MAP3K6: variants seen among roughly 807,000 people sequenced by gnomAD.
MAP3K6 encodes apoptosis signal-regulating kinase 2.
A neutral mutation model predicts 147.1 loss-of-function variants in MAP3K6; 105 were observed. The ratio of observed to expected loss-of-function variants is 0.71; its 90% CI spans 0.61 to 0.84. The LOEUF (loss-of-function observed/expected upper bound fraction) is 0.84. Among genes scored for constraint, MAP3K6 ranks in the 40% least tolerant of loss-of-function variants. MAP3K6 has a pLI of 0.00. For missense variants in MAP3K6, 1,569 were observed against 1,715.0 expected (o/e 0.91, Z 1.50); for synonymous variants, 695 against 732.4 (o/e 0.95, Z 0.82).
rs373396127 is a variant in MAP3K6 at position 27,358,207 on chromosome 1, G to A, written c.2889C>T (p.Leu963=). 2.5e-6 allele frequency: 4 copies of A among 1,594,194 alleles called. No individual in the cohort carries two copies. Among genetic ancestry groups the A allele is most frequent in the South Asian group, 1.1e-5 (1 of 88,248 alleles). Reference sequence around the variant, plus strand: ...GGAGCTGGCTGGTGCCCCCATAACTGAGGCAGCGCTTCGGGGGGCTGGGTG... The same window carrying A: ...GGAGCTGGCTGGTGCCCCCATAACTAAGGCAGCGCTTCGGGGGGCTGGGTG... ...QHPPSPPKRC[L]SYGGTSQLRV... Residue 963 remains leucine (L), a synonymous_variant, in exon 21 of 29, where the codon CTC becomes CTT. Coordinates refer to ENST00000357582, the MANE Select transcript of MAP3K6 (RefSeq NM_004672.5). This position sits in a 1 kb window ranked among gnomAD's most constrained non-coding sequence, Gnocchi z 6.2.
In MAP3K6 at chr1:27,359,792, G is replaced by C; in HGVS notation, c.2319+66C>G. The C allele has an allele frequency of 1.9e-6, 3 of 1,603,890 alleles. No homozygotes were observed. Among genetic ancestry groups the C allele is most frequent in the Non-Finnish European group, 2.6e-6 (3 of 1,172,484 alleles). On this transcript the variant is annotated intron_variant, in intron 17 of 28. Coordinates refer to ENST00000357582, the MANE Select transcript of MAP3K6 (RefSeq NM_004672.5). The surrounding 1 kb of genome is among the most constrained non-coding windows in gnomAD (Gnocchi z 4.4). The stretch of plus-strand genomic sequence containing the variant: ...CACTTAATCTAAACTGCCAGCCTGC[G>C]TCTGGGACCATGTTTCCTTCCCCGC...
Position 27,360,463 on chromosome 1 carries a change from C to A in MAP3K6, c.2055-95G>T. On this transcript the variant is annotated intron_variant, in intron 15 of 28. Coordinates refer to ENST00000357582, the MANE Select transcript of MAP3K6 (RefSeq NM_004672.5). This position sits in a 1 kb window ranked among gnomAD's most constrained non-coding sequence, Gnocchi z 4.5. ...CCTGGCCCCGCCCCAAGGACCCGCC[C>A]CGCCCACAAGCCCTCTCCGACCTTC... The A allele has an allele frequency of 6.8e-7, 1 of 1,467,918 alleles. No individual in the cohort carries two copies. The highest frequency in any genetic ancestry group is 9.1e-7 in the Non-Finnish European group (1 of 1,096,836). 90.9% of individuals were successfully genotyped at this position (1,467,918 alleles called of 1,614,324 possible). A position where few individuals can be genotyped will look rare whatever the true frequency, so the allele number is the denominator to read the frequency against.
At position 27,359,684 on chromosome 1, in the gene MAP3K6, G is replaced by C. The variant is rs2015670598; in HGVS notation, c.2320-162C>G. 2 of 870,778 alleles carry C rather than the reference G, an allele frequency of 2.3e-6. No individual in the cohort carries two copies. The highest frequency in any genetic ancestry group is 1.0e-4 in the South Asian group (2 of 19,094). The allele number at this position is 870,778 out of a possible 1,614,324, so 53.9% of individuals were successfully genotyped here. ...ATGCCCCTCTGGGAGCTGACAATTG[G>C]TTTGGCTTCAGAGCTGAACCTTTCC... On this transcript the variant is annotated intron_variant, in intron 17 of 28. Coordinates refer to ENST00000357582, the MANE Select transcript of MAP3K6 (RefSeq NM_004672.5). The surrounding 1 kb of genome is among the most constrained non-coding windows in gnomAD (Gnocchi z 4.4).
At position 27,361,254 on chromosome 1, in the gene MAP3K6, T is replaced by C; in HGVS notation, c.1737-2A>G. The C allele has an allele frequency of 6.2e-7, 1 of 1,613,444 alleles. No individual in the cohort carries two copies. The highest frequency in any genetic ancestry group is 8.5e-7 in the Non-Finnish European group (1 of 1,179,856). The stretch of plus-strand genomic sequence containing the variant: ...CAGCGCTCGTCGCGCTTTGAGGCGC[T>C]GGGAAGGGATGAAGAACCCAGTAAG... On this transcript the variant is annotated splice_acceptor_variant, in intron 12 of 28. Coordinates refer to ENST00000357582, the MANE Select transcript of MAP3K6 (RefSeq NM_004672.5). LOFTEE classifies it high-confidence loss of function.
chr1:27,357,740 T>C lies in MAP3K6; in HGVS notation c.3052A>G (p.Asn1018Asp). The C allele has an allele frequency of 4.3e-6, 7 of 1,611,896 alleles. No individual in the cohort carries two copies. Among genetic ancestry groups the C allele is most frequent in the Non-Finnish European group, 5.9e-6 (7 of 1,179,870 alleles). Residue 1018 changes from asparagine to aspartate, a missense_variant, in exon 22 of 29, where the codon AAT becomes GAT. Transcript: ENST00000357582. ...TCTTGCTTCTGCTCCTGGTGCAGAT[T>C]CTCCGCCAGCGCTGGCAGCTCCTGC... ...LEQELPALAENLHQEQKQEQG... is the reference protein window; with the variant it reads ...LEQELPALAEDLHQEQKQEQG...
In MAP3K6 at chr1:27,360,704, C is replaced by A. The variant is rs1038006707; in HGVS notation, c.2054+1G>T. 6.2e-7 allele frequency: 1 copy of A among 1,610,824 alleles called. No individual in the cohort carries two copies. The highest frequency in any genetic ancestry group is 8.5e-7 in the Non-Finnish European group (1 of 1,179,202). On this transcript the variant is annotated splice_donor_variant, in intron 15 of 28. Transcript: ENST00000357582. LOFTEE classifies it high-confidence loss of function. The surrounding 1 kb of genome is among the most constrained non-coding windows in gnomAD (Gnocchi z 4.5). The stretch of plus-strand genomic sequence containing the variant: ...CCCACCCGCGCTGCCACGCACCGCA[C>A]CTGCTGTCCCGCTCCGGGATCTCCT...
chr1:27,363,613 G>A (rs777112489), intron 5 of MAP3K6, 65 bp from the exon 6 acceptor site: 9 of 1,306,518 alleles, frequency 6.9e-6, no homozygotes, highest in Non-Finnish European at 9.5e-6. Flanking sequence ...CTTGAGCCAG[G>A]GTCCTGTCCC....
Position 27,361,731 on chromosome 1 carries a change from C to G in MAP3K6, c.1552G>C (p.Ala518Pro). The G allele has an allele frequency of 6.2e-7, 1 of 1,613,260 alleles. No individual in the cohort carries two copies. The highest frequency in any genetic ancestry group is 8.5e-7 in the Non-Finnish European group (1 of 1,179,562). Residue 518 changes from alanine to proline, a missense_variant, in exon 10 of 29, where the codon GCC becomes CCC. Transcript: ENST00000357582. Reference sequence around the variant, plus strand: ...AAGCACTGGTCGCCCTGGGCACAGGCTGTCTTGAATGGTTGGCAGGACTGT... The same window carrying G: ...AAGCACTGGTCGCCCTGGGCACAGGGTGTCTTGAATGGTTGGCAGGACTGT... Reference protein sequence around the residue: ...LLQSCQPFKTACAQGDQCLVL... With the variant: ...LLQSCQPFKTPCAQGDQCLVL...
chr1:27,359,454 C>A lies in MAP3K6; in HGVS notation c.2388G>T (p.Arg796=). Residue 796 remains arginine, a synonymous_variant, in exon 18 of 29, where the codon CGG becomes CGT. Coordinates refer to ENST00000357582, the MANE Select transcript of MAP3K6 (RefSeq NM_004672.5). This position sits in a 1 kb window ranked among gnomAD's most constrained non-coding sequence, Gnocchi z 4.4. ...LKISDFGTSK[R]LAGITPCTET... ...CAGTGCAAGGTGTGATGCCTGCCAGCCGCTTGGAGGTGCCGAAGTCAGAAA... is the reference window on the plus strand; with the variant it reads ...CAGTGCAAGGTGTGATGCCTGCCAGACGCTTGGAGGTGCCGAAGTCAGAAA... 1 of 1,614,166 alleles carries A rather than the reference C, an allele frequency of 6.2e-7. No homozygotes were observed. The highest frequency in any genetic ancestry group is 1.3e-5 in the African/African-American group (1 of 75,038).
chr1:27,361,125 T>C (rs2015747037), intron 13 of MAP3K6, 32 bp downstream of exon 13: 3 of 1,575,606 alleles, frequency 1.9e-6, no homozygotes, highest in African/African-American at 2.7e-5. Flanking sequence ...ATCCTGGCCC[T>C]CAGAGTACCC....
chr1:27,363,283 G>C (rs1180376698), intron 6 of MAP3K6, among the ~76,000 whole-genome samples, 159 bp downstream of exon 6: 3 of 151,724 alleles, frequency 2.0e-5, no homozygotes, highest in Non-Finnish European at 2.9e-5. Context: ...GACCCAGGCA[G>C]CAGTAACTCA....
In MAP3K6 at chr1:27,355,291, G is replaced by T; in HGVS notation, c.*100C>A. On this transcript the variant is annotated 3_prime_UTR_variant, in exon 29 of 29. Transcript: ENST00000357582. ...GGCCCCACTCGCCTGGCTTCCTCCA[G>T]TCGCCCCAGGTCCTGGGGCTGGTGT... 8.7e-7 allele frequency: 1 copy of T among 1,147,594 alleles called. No homozygotes were observed. The highest frequency in any genetic ancestry group is 1.3e-6 in the Non-Finnish European group (1 of 755,066). The allele number at this position is 1,147,594 out of a possible 1,614,324, so 71.1% of individuals were successfully genotyped here.
At chr1:27,357,909 G>T (rs144571694) in intron 21 of MAP3K6, 33 bp from the exon 22 acceptor site, 17 of 1,547,760 alleles carry the variant, frequency 1.1e-5, no homozygotes, top group Non-Finnish European at 1.5e-5. Flanking sequence ...GATTGAGGAC[G>T]GGCAGCAACC....
At chr1:27,361,030 C>T (rs749881604) in intron 13 of MAP3K6, 22 bp from the exon 14 acceptor site, 5 of 1,555,534 alleles carry the variant, frequency 3.2e-6, no homozygotes, top group South Asian at 2.4e-5. Flanking sequence ...GGAGGTCAGA[C>T]CCGCGGGAGG....
rs1223856894 is a variant in MAP3K6 at position 27,366,403 on chromosome 1, G to C, written c.195C>G (p.Thr65=). Residue 65 remains threonine, a synonymous_variant, in exon 1 of 29, where the codon ACC becomes ACG. Coordinates refer to ENST00000357582, the MANE Select transcript of MAP3K6 (RefSeq NM_004672.5). This position sits in a 1 kb window ranked among gnomAD's most constrained non-coding sequence, Gnocchi z 5.5. ...PQPGLEPREG[T]EAEPLPLRCL... ...AGCGCAGGGGCAGCGGCTCCGCCTC[G>C]GTTCCCTCCCGAGGCTCGAGCCCGG... The C allele has an allele frequency of 8.1e-7, 1 of 1,237,326 alleles. No homozygotes were observed. The highest frequency in any genetic ancestry group is 1.0e-6 in the Non-Finnish European group (1 of 990,350). 76.6% of individuals were successfully genotyped at this position (1,237,326 alleles called of 1,614,324 possible).
At chr1:27,357,258 T>A (rs970120666) in intron 23 of MAP3K6, 142 bp downstream of exon 23, 1 of 1,314,662 alleles carries the variant, frequency 7.6e-7, no homozygotes, top group East Asian at 2.5e-5. Context: ...AAGCTAGGAC[T>A]GGGCAGACGG....
At chr1:27,355,974 A>G in intron 27 of MAP3K6, 52 bp downstream of exon 27, 1 of 1,538,832 alleles carries the variant, frequency 6.5e-7, no homozygotes, top group African/African-American at 1.4e-5. Context: ...ATGGACAGAG[A>G]TGGAGGCTTT....
Position 27,364,051 on chromosome 1 carries a change from G to A in MAP3K6, c.730C>T (p.Arg244Trp), listed in dbSNP as rs931712271. ...YFRETIRRDI[R>W]QARERFSGPQ... ...CCACTGAACCGCTCCCGCGCCTGCC[G>A]GATGTCCCGCCGAATGGTCTCCCGG... Residue 244 changes from arginine (R) to tryptophan (W), a missense_variant, in exon 5 of 29, where the codon CGG (arginine) becomes TGG (tryptophan). Arg to Trp is a moderately radical substitution (Grantham distance 101). Transcript: ENST00000357582. This position sits in a 1 kb window ranked among gnomAD's most constrained non-coding sequence, Gnocchi z 4.4. 8.7e-6 allele frequency: 14 copies of A among 1,612,732 alleles called. No homozygotes were observed. The highest frequency in any genetic ancestry group is 2.2e-5 in the East Asian group (1 of 44,894).
rs932904846 is a variant in MAP3K6 at position 27,366,784 on chromosome 1, T to C, written c.-187A>G. The C allele has an allele frequency of 2.6e-5, 8 of 304,756 alleles. No individual in the cohort carries two copies. The highest frequency in any genetic ancestry group is 3.4e-5 in the Non-Finnish European group (7 of 205,004). 18.9% of individuals were successfully genotyped at this position (304,756 alleles called of 1,614,324 possible). Reference sequence around the variant, plus strand: ...GAATCTAAAGTCCAGGGAGAAATCCTAGCTCGGACTTGCAAGGTCCTGAGG... The same window carrying C: ...GAATCTAAAGTCCAGGGAGAAATCCCAGCTCGGACTTGCAAGGTCCTGAGG... On this transcript the variant is annotated 5_prime_UTR_variant, in exon 1 of 29. The change abolishes the stop of an existing upstream ORF in the 5' untranslated region. Coordinates refer to ENST00000357582, the MANE Select transcript of MAP3K6 (RefSeq NM_004672.5). The surrounding 1 kb of genome is among the most constrained non-coding windows in gnomAD (Gnocchi z 5.5).
Sources: allele counts gnomAD v4.1 joint callset (sites outside exome capture counted in the v4.1 genomes callset), GRCh38; gene constraint gnomAD v4.1.1; non-coding constraint Gnocchi (gnomAD v3.1); transcripts MANE v1.5; gene names NCBI Gene and HGNC (gene_info 2026-07-23, HGNC 2026-07-21).